SLC15A3: variants seen among roughly 807,000 people sequenced by gnomAD.
The protein encoded by SLC15A3 is solute carrier family 15 member 3.
A neutral mutation model predicts 49.2 loss-of-function variants in SLC15A3; 39 were observed. The ratio of observed to expected loss-of-function variants is 0.79; its 90% CI spans 0.61 to 1.04. SLC15A3 has a LOEUF of 1.04. Among genes scored for constraint, SLC15A3 ranks in the 50% least tolerant of loss-of-function variants. The probability of loss-of-function intolerance (pLI) is 0.00; values close to 1 mark genes in which losing one functional copy is unlikely to be tolerated. For missense variants in SLC15A3, 758 were observed against 794.8 expected, an observed-to-expected ratio of 0.95 and a Z score of 0.56; for synonymous variants, 339 against 367.0, an observed-to-expected ratio of 0.92 and a Z score of 0.87.
chr11:60,950,708 T>A (rs112920087), intron 1 of SLC15A3, among the ~76,000 whole-genome samples: 1 of 152,216 alleles, frequency 6.6e-6, no homozygotes, highest in Admixed American at 6.5e-5. Flanking sequence ...GGATAATCGC[T>A]TGAACCCGGG....
At chr11:60,949,014 CAGAA>C (rs1856846221) in intron 1 of SLC15A3, among the ~76,000 whole-genome samples, 1 of 152,108 alleles carries the variant, frequency 6.6e-6, no homozygotes, top group South Asian at 2.1e-4. Context: ...GTCTCTAGGT[CAGAA>C]AGAATGTCAA....
At chr11:60,944,205 C>G (rs1220861835) in intron 2 of SLC15A3, among the ~76,000 whole-genome samples, 1 of 152,102 alleles carries the variant, frequency 6.6e-6, no homozygotes, top group Admixed American at 6.5e-5. Context: ...TCTTCCCCAC[C>G]ACCTCAGCCA....
intron 1 of SLC15A3, 50 bp downstream of exon 1, chr11:60,950,943 CT>C (rs1856904856): frequency 7.2e-7 from 1 of 1,388,244 alleles, no homozygotes; most frequent in African/African-American, 1.5e-5. Context: ...GCCAGCCCTC[CT>C]TCCCTCCACA....
intron 7 of SLC15A3, 119 bp from the exon 8 acceptor site, chr11:60,937,492 T>C: frequency 7.7e-7 from 1 of 1,302,460 alleles, no homozygotes; most frequent in African/African-American, 1.4e-5. Flanking sequence ...TGGTGGGATC[T>C]GAAGACACTG....
chr11:60,945,491 A>G (rs1856788038), intron 2 of SLC15A3, among the ~76,000 whole-genome samples: 1 of 152,354 alleles, frequency 6.6e-6, no homozygotes, highest in African/African-American at 2.4e-5. Context: ...TTAGGCAGCG[A>G]TAGGTAATGA....
chr11:60,944,320 C>T (rs763892274), intron 2 of SLC15A3, among the ~76,000 whole-genome samples: 12 of 152,174 alleles, frequency 7.9e-5, no homozygotes, highest in Non-Finnish European at 1.5e-4. Flanking sequence ...TTAGCACCAC[C>T]TTCGCCATCA....
Position 60,946,812 on chromosome 11 carries a change from G to T in SLC15A3, c.568C>A (p.Leu190Ile), listed in dbSNP as rs754328027. The T allele has an allele frequency of 6.2e-7, 1 of 1,608,906 alleles. No individual in the cohort carries two copies. Among genetic ancestry groups the T allele is most frequent in the Admixed American group, 1.7e-5 (1 of 59,968 alleles). The stretch of plus-strand genomic sequence containing the variant: ...AAGCGGCGGGTGGCGTCGCGGCCGA[G>T]ATCCATCACCTGCCATTCAGGAAGG... ...TSFGADQVMD[L>I]GRDATRRFFN... The change falls in exon 2 of 8, where the codon CTC (leucine) becomes ATC (isoleucine). Residue 190 changes from leucine to isoleucine, a missense_variant. By Grantham distance (5) the Leu-to-Ile change is conservative. Around this residue, in one of 3 missense-constraint regions of SLC15A3, gnomAD observed 699 missense variants for 706.7 expected, o/e 0.99. Transcript: ENST00000227880.
At chr11:60,950,695 G>A (rs1334217787) in intron 1 of SLC15A3, among the ~76,000 whole-genome samples, 1 of 152,250 alleles carries the variant, frequency 6.6e-6, no homozygotes, top group Non-Finnish European at 1.5e-5. Context: ...GGAGGCTAAG[G>A]AGGGATAATC....
rs760354898 is a variant in SLC15A3, at chr11:60,943,679, G to C, written c.996+10C>G. ...CCAGGCCCCCAGAGAAAAAGGGCAG[G>C]TATGCTCACCTGGAAGTAGACCATC... On this transcript the variant is annotated intron_variant, in intron 3 of 7. Coordinates refer to ENST00000227880, the MANE Select transcript of SLC15A3 (RefSeq NM_016582.3). 6.5e-7 allele frequency: 1 copy of C among 1,526,900 alleles called. No homozygotes were observed. The highest frequency in any genetic ancestry group is 1.3e-5 in the South Asian group (1 of 79,808). 94.6% of individuals were successfully genotyped at this position (1,526,900 alleles called of 1,614,324 possible).
intron 2 of SLC15A3, among the ~76,000 whole-genome samples, 189 bp downstream of exon 2, chr11:60,946,343 C>G (rs1445823363): frequency 1.1e-5 from 1 of 92,098 alleles, no homozygotes; most frequent in African/African-American, 3.0e-5. Flanking sequence ...ACCACCACCA[C>G]TACCACCACT....
intron 4 of SLC15A3, 91 bp downstream of exon 4, chr11:60,941,944 G>A (rs1856715553): frequency 4.0e-6 from 5 of 1,250,486 alleles, no homozygotes; most frequent in Non-Finnish European, 5.8e-6. Flanking sequence ...GGCAGGAAAG[G>A]GGAGTGTGAA....
chr11:60,947,813 C>A (rs1370722018), intron 1 of SLC15A3: 4 of 152,206 alleles, frequency 2.6e-5, no homozygotes, highest in Non-Finnish European at 5.9e-5. Context: ...AGGCCCCAGG[C>A]CCCTTCTGGT....
chr11:60,941,986 A>G, intron 4 of SLC15A3, 49 bp downstream of exon 4: 1 of 1,550,772 alleles, frequency 6.4e-7, no homozygotes, highest in Non-Finnish European at 8.9e-7. Context: ...TCTCAGAGGA[A>G]GCCGCTACCT....
intron 5 of SLC15A3, 120 bp from the exon 6 acceptor site, chr11:60,939,758 C>A: frequency 8.2e-7 from 1 of 1,215,750 alleles, no homozygotes; most frequent in Non-Finnish European, 1.1e-6. Context: ...GAGCAGCAGG[C>A]AAGGAAAAGA....
intron 2 of SLC15A3, 67 bp downstream of exon 2, chr11:60,946,465 C>T: frequency 6.7e-7 from 1 of 1,489,796 alleles, no homozygotes; most frequent in South Asian, 1.4e-5. Context: ...CTGGACCATG[C>T]CTCCCCGGGA....
In SLC15A3 at chr11:60,939,554, G is replaced by T; in HGVS notation, c.1361C>A (p.Ala454Glu). Residue 454 changes from alanine to glutamate, a missense_variant, in exon 6 of 8, where the codon GCA (alanine) becomes GAA (glutamate). By Grantham distance (107) the Ala-to-Glu change is moderately radical. Around this residue, in one of 3 missense-constraint regions of SLC15A3, gnomAD observed 699 missense variants for 706.7 expected, o/e 0.99. Transcript: ENST00000227880. ...QQIGEVLYNA[A>E]PLSIWWQIPQ... ...GATCTGCCACCAGATGGACAGTGGT[G>T]CCGCGTTGTACAGGACCTCCCCAAT... 2 of 1,614,196 alleles carry T rather than the reference G, an allele frequency of 1.2e-6. No individual in the cohort carries two copies. Among genetic ancestry groups the T allele is most frequent in the Non-Finnish European group, 8.5e-7 (1 of 1,180,020 alleles).
Position 60,941,288 on chromosome 11 carries a change from G to T in SLC15A3, c.1110C>A (p.Ile370=). The change falls in exon 5 of 8, where the codon ATC becomes ATA. Residue 370 remains isoleucine, a splice_region_variant and synonymous_variant. Coordinates refer to ENST00000227880, the MANE Select transcript of SLC15A3 (RefSeq NM_016582.3). ...ALRAQGSSYT[I]PEAWLLLANV... The stretch of plus-strand genomic sequence containing the variant: ...TGGCCAGGAGGAGCCAGGCTTCCGG[G>T]ATCTGGGCAGGAGGAAGTCAGGAGA... The T allele has an allele frequency of 3.1e-6, 5 of 1,613,156 alleles. No individual in the cohort carries two copies. The highest frequency in any genetic ancestry group is 4.2e-6 in the Non-Finnish European group (5 of 1,179,570).
chr11:60,944,986 G>A (rs577233816), intron 2 of SLC15A3, among the ~76,000 whole-genome samples: 3 of 152,278 alleles, frequency 2.0e-5, no homozygotes, highest in African/African-American at 7.2e-5. Context: ...CCTTCCCAGC[G>A]TGTGCTGCCA....
chr11:60,937,936 A>G lies in SLC15A3; in HGVS notation c.1525T>C (p.Leu509=). 1 of 1,614,174 alleles carries G rather than the reference A, an allele frequency of 6.2e-7. No individual in the cohort carries two copies. Among genetic ancestry groups the G allele is most frequent in the Non-Finnish European group, 8.5e-7 (1 of 1,179,990 alleles). ...AGCAGTGCCACTAGGCTGGAGCCCA[A>G]CAGTGAGCCCACCCCCGACAGGCAG... ...FFCLSGVGSL[L]GSSLVALLSL... Residue 509 remains leucine, a synonymous_variant, in exon 7 of 8, where the codon TTG becomes CTG. Transcript: ENST00000227880.
Sources: allele counts gnomAD v4.1 joint callset (sites outside exome capture counted in the v4.1 genomes callset), GRCh38; gene constraint gnomAD v4.1.1; regional missense constraint gnomAD v4.1.1; transcripts MANE v1.5; gene names NCBI Gene and HGNC (gene_info 2026-07-23, HGNC 2026-07-21).